Variants in LDLRAD3 observed in about 807,000 individuals in gnomAD.
LDLRAD3 encodes the protein low-density lipoprotein receptor class A domain-containing protein 3.
Under a neutral mutation model 29.4 loss-of-function variants are expected in LDLRAD3, and 20 were observed. The ratio of observed to expected loss-of-function variants is 0.68; its 90% CI spans 0.48 to 0.99. The LOEUF (loss-of-function observed/expected upper bound fraction) is 0.99. Ranked by LOEUF, LDLRAD3 falls within the 50% of genes least tolerant of loss-of-function variation. The pLI is 0.00. For synonymous variants in LDLRAD3, 157 were observed against 192.7 expected, an observed-to-expected ratio of 0.81 and a Z score of 1.53; for missense variants, 420 against 454.3, an observed-to-expected ratio of 0.92 and a Z score of 0.69.
intron 4 of LDLRAD3, among the ~76,000 whole-genome samples, chr11:36,122,210 G>A (rs1259246912): frequency 6.6e-6 from 1 of 152,036 alleles, no homozygotes; most frequent in Non-Finnish European, 1.5e-5. Context: ...TAAACAAGCA[G>A]AAAATGATGA....
chr11:35,976,097 G>A (rs1851472534), intron 1 of LDLRAD3, among the ~76,000 whole-genome samples: 2 of 152,034 alleles, frequency 1.3e-5, no homozygotes, highest in South Asian at 4.2e-4. Context: ...GGTGCTGAAA[G>A]GAAGGATAGG....
chr11:36,139,313 T>C (rs1854046284), intron 4 of LDLRAD3, among the ~76,000 whole-genome samples: 1 of 152,230 alleles, frequency 6.6e-6, no homozygotes, highest in African/African-American at 2.4e-5. Context: ...CCATGAAGAC[T>C]TCAGTTCCAG....
At chr11:36,201,781 T>C (rs10466393) in intron 4 of LDLRAD3, among the ~76,000 whole-genome samples, 124,477 of 152,232 alleles carry the variant, frequency 0.82, 51,285 homozygotes, top group East Asian at 0.97. Context: ...AAACAAATAG[T>C]ACCCCAAAAT....
At chr11:36,173,425 G>A (rs186812122) in intron 4 of LDLRAD3, among the ~76,000 whole-genome samples, 339 of 146,482 alleles carry the variant, frequency 2.3e-3, no homozygotes, top group African/African-American at 8.1e-3. Context: ...CTATGAGTGA[G>A]AACATGCAGT....
chr11:36,227,271 C>T lies in LDLRAD3; in HGVS notation c.641C>T (p.Pro214Leu). 6.2e-7 allele frequency: 1 copy of T among 1,614,080 alleles called. No homozygotes were observed. Among genetic ancestry groups the T allele is most frequent in the Non-Finnish European group, 8.5e-7 (1 of 1,179,976 alleles). The change falls in exon 5 of 6, where the codon CCT becomes CTT. Residue 214 changes from proline (P) to leucine (L), a missense_variant. Physicochemically the swap from Pro to Leu is moderately conservative, Grantham distance 98 (BLOSUM62 -3). Around this residue, in one of 3 missense-constraint regions of LDLRAD3, gnomAD observed 56 missense variants for 92.2 expected, o/e 0.61. Coordinates refer to ENST00000315571, the MANE Select transcript of LDLRAD3 (RefSeq NM_174902.4). ...CTGCCCGTGCACCGGCTGCAGCACC[C>T]TGTGCTGCTGTCCCGCCTGGTGGTC... Reference protein sequence around the residue: ...MTLPVHRLQHPVLLSRLVVLD... With the variant: ...MTLPVHRLQHLVLLSRLVVLD...
intron 1 of LDLRAD3, chr11:35,997,254 T>C: frequency 3.0e-6 from 1 of 331,234 alleles, no homozygotes; most frequent in Non-Finnish European, 5.8e-6. Flanking sequence ...CCATCAGCAT[T>C]GCAGCTCACA....
At chr11:36,069,205 T>C (rs2133242921) in intron 2 of LDLRAD3, among the ~76,000 whole-genome samples, 1 of 152,368 alleles carries the variant, frequency 6.6e-6, no homozygotes, top group Admixed American at 6.5e-5. Flanking sequence ...GTTTGCTTTC[T>C]GGGCTGTTTG....
chr11:36,212,771 G>T (rs1165662431), intron 4 of LDLRAD3, among the ~76,000 whole-genome samples: 1 of 152,048 alleles, frequency 6.6e-6, no homozygotes. Flanking sequence ...GGACTGCTGG[G>T]GGCTTTCCTC....
chr11:35,954,515 C>G (rs1240526831), intron 1 of LDLRAD3, among the ~76,000 whole-genome samples: 1 of 152,064 alleles, frequency 6.6e-6, no homozygotes, highest in Non-Finnish European at 1.5e-5. Flanking sequence ...TGTAAGTTAC[C>G]CTACAAGAAG....
chr11:35,967,041 C>A, intron 1 of LDLRAD3: 1 of 202,654 alleles, frequency 4.9e-6, no homozygotes. Flanking sequence ...TGAGGTAAAG[C>A]TTGAAGACCT....
intron 4 of LDLRAD3, among the ~76,000 whole-genome samples, chr11:36,180,676 G>T (rs1329448027): frequency 1.3e-5 from 2 of 152,046 alleles, no homozygotes; most frequent in Admixed American, 6.6e-5. Context: ...TCTGGCTGCT[G>T]TGTTGAGAAT....
intron 1 of LDLRAD3, among the ~76,000 whole-genome samples, chr11:36,025,641 G>T (rs997953927): frequency 6.6e-6 from 1 of 151,600 alleles, no homozygotes; most frequent in East Asian, 1.9e-4. Context: ...TGCCCGCCTC[G>T]GCCTCCCAAA....
chr11:36,109,733 T>C (rs1342969549), intron 4 of LDLRAD3, among the ~76,000 whole-genome samples: 1 of 144,032 alleles, frequency 6.9e-6, no homozygotes, highest in Non-Finnish European at 1.5e-5. Context: ...TTTCCAAATA[T>C]GGATGGAAAA....
chr11:36,028,592 A>AT (rs1316154431), intron 1 of LDLRAD3, among the ~76,000 whole-genome samples: 8 of 152,340 alleles, frequency 5.3e-5, no homozygotes, highest in Admixed American at 5.2e-4. Context: ...CATTTATAAT[A>AT]TATTTTGATA....
chr11:36,024,742 T>G (rs906753362), intron 1 of LDLRAD3, among the ~76,000 whole-genome samples: 2 of 152,208 alleles, frequency 1.3e-5, no homozygotes, highest in African/African-American at 4.8e-5. Flanking sequence ...CCCTACCAAG[T>G]CACAGCCTTG....
In LDLRAD3 at chr11:36,081,737, G is replaced by A; in HGVS notation, c.278G>A (p.Gly93Glu). The A allele has an allele frequency of 6.2e-7, 1 of 1,614,240 alleles. No homozygotes were observed. The highest frequency in any genetic ancestry group is 8.5e-7 in the Non-Finnish European group (1 of 1,180,042). ...ATCATTGGTCGCTTCCGGTGCAATG[G>A]GTTTGAGGACTGTCCCGATGGCAGC... ...HCIIGRFRCN[G>E]FEDCPDGSDE... Residue 93 changes from glycine to glutamate, a missense_variant, in exon 3 of 6, where the codon GGG becomes GAG. Gly to Glu is a moderately conservative substitution (Grantham distance 98). Coordinates refer to ENST00000315571, the MANE Select transcript of LDLRAD3 (RefSeq NM_174902.4).
intron 3 of LDLRAD3, among the ~76,000 whole-genome samples, chr11:36,096,206 TAA>T (rs1853358446): frequency 6.6e-6 from 1 of 152,176 alleles, no homozygotes; most frequent in Non-Finnish European, 1.5e-5. Context: ...ATAGTTAAAA[TAA>T]AAAAGTCTTC....
chr11:36,022,469 A>C (rs7927137), intron 1 of LDLRAD3, among the ~76,000 whole-genome samples: 1 of 151,986 alleles, frequency 6.6e-6, no homozygotes, highest in Admixed American at 6.6e-5. Context: ...TGAGTGATAC[A>C]CAGTGAGAAT....
intron 4 of LDLRAD3, among the ~76,000 whole-genome samples, chr11:36,142,661 G>C (rs370665832): frequency 6.6e-6 from 1 of 152,146 alleles, no homozygotes; most frequent in Admixed American, 6.5e-5. Flanking sequence ...GGTGCACCCG[G>C]TGCAGCCGGT....
Sources: allele counts gnomAD v4.1 joint callset (sites outside exome capture counted in the v4.1 genomes callset), GRCh38; gene constraint gnomAD v4.1.1; regional missense constraint gnomAD v4.1.1; transcripts MANE v1.5; gene names NCBI Gene and HGNC (gene_info 2026-07-23, HGNC 2026-07-21).